Variants in TNFRSF1B observed in about 807,000 individuals in gnomAD.
TNFRSF1B encodes the protein tumor necrosis factor receptor superfamily member 1B.
TNFRSF1B carries 19 observed loss-of-function variants against 44.6 expected under a neutral mutation model. That is an observed-to-expected ratio of 0.43 (90% CI 0.30 to 0.62). The LOEUF (loss-of-function observed/expected upper bound fraction) is 0.62, where lower values mean the gene tolerates loss of function less well. TNFRSF1B is among the 20% of genes least tolerant of loss of function. The pLI, the probability that TNFRSF1B is intolerant of heterozygous loss-of-function variation, is 0.16. For synonymous variants in TNFRSF1B, 252 were observed against 261.1 expected, an observed-to-expected ratio of 0.97 and a Z score of 0.34; for missense variants, 541 against 619.9, an observed-to-expected ratio of 0.87 and a Z score of 1.35.
At chr1:12,167,784 G>A (rs5745954) in intron 1 of TNFRSF1B, among the ~76,000 whole-genome samples, 1 of 152,128 alleles carries the variant, frequency 6.6e-6, no homozygotes, top group Non-Finnish European at 1.5e-5. Flanking sequence ...CTACTGCAGA[G>A]TCTGTTTTCT....
rs755283546 is a variant in TNFRSF1B at position 12,167,456 on chromosome 1, C to T, written c.78+287C>T. The T allele has an allele frequency of 3.9e-5, 17 of 433,052 alleles. No individual in the cohort carries two copies. In the South Asian group the frequency reaches 4.0e-4, roughly 10 times the overall value. The allele number at this position is 433,052 out of a possible 1,614,324, so 26.8% of individuals were successfully genotyped here. A position where few individuals can be genotyped will look rare whatever the true frequency, so the allele number is the denominator to read the frequency against. On this transcript the variant is annotated intron_variant, in intron 1 of 9. Transcript: ENST00000376259. ...CCCTGGTTCCTCCGCGAGCGCAGGC[C>T]GGGGCATTTGGGGCTGAGCAGCGGG...
intron 1 of TNFRSF1B, among the ~76,000 whole-genome samples, chr1:12,183,545 A>T (rs1230888203): frequency 1.3e-5 from 2 of 149,658 alleles, no homozygotes; most frequent in East Asian, 3.9e-4. Flanking sequence ...ACTTTCTATT[A>T]TCTCTATCAT....
intron 1 of TNFRSF1B, among the ~76,000 whole-genome samples, chr1:12,185,185 C>T (rs891055032): frequency 2.0e-4 from 30 of 152,148 alleles, no homozygotes; most frequent in African/African-American, 6.3e-4. Context: ...CTTTGGATGC[C>T]GGGTCTCGGC....
chr1:12,175,941 A>G (rs1365491298), intron 1 of TNFRSF1B, among the ~76,000 whole-genome samples: 3 of 152,044 alleles, frequency 2.0e-5, no homozygotes, highest in Admixed American at 6.6e-5. Flanking sequence ...CAGGCCGGGC[A>G]CGGTGGCTCA....
rs1253672385 is a variant in TNFRSF1B, at chr1:12,186,406, G to A, written c.79-2390G>A. On this transcript the variant is annotated intron_variant, in intron 1 of 9. Coordinates refer to ENST00000376259, the MANE Select transcript of TNFRSF1B (RefSeq NM_001066.3). The surrounding 1 kb of genome is among the most constrained non-coding windows in gnomAD (Gnocchi z 4.8). The stretch of plus-strand genomic sequence containing the variant: ...TTGGCCAGGTCTGCACTGGCCCAGC[G>A]GTGCTGGGTGTCGTGACTGGTGTCT... Among the ~76,000 whole-genome samples the A allele has an allele frequency of 1.3e-5, 2 of 152,246 alleles. No homozygotes were observed. The highest frequency in any genetic ancestry group is 6.5e-5 in the Admixed American group (1 of 15,290).
chr1:12,206,359 CAAAA>C (rs35664314), intron 9 of TNFRSF1B, among the ~76,000 whole-genome samples: 8 of 80,590 alleles, frequency 9.9e-5, no homozygotes, highest in East Asian at 4.2e-4. Flanking sequence ...GACCCTGTCT[CAAAA>C]AAAAAAAAAA....
At chr1:12,182,430 C>A (rs1351837197) in intron 1 of TNFRSF1B, among the ~76,000 whole-genome samples, 1 of 152,250 alleles carries the variant, frequency 6.6e-6, no homozygotes, top group African/African-American at 2.4e-5. Context: ...GCTCTTACCA[C>A]CACCTTGAAT....
intron 9 of TNFRSF1B, among the ~76,000 whole-genome samples, chr1:12,203,753 C>T (rs1013396539): frequency 1.1e-4 from 17 of 152,054 alleles, no homozygotes; most frequent in Admixed American, 2.0e-4. Context: ...GGGTCTCGCT[C>T]GTCGCCTAGG....
Position 12,187,198 on chromosome 1 carries a change from G to T in TNFRSF1B, c.79-1598G>T, listed in dbSNP as rs1284508075. Among the ~76,000 whole-genome samples, 1 of 150,984 alleles carries T rather than the reference G, an allele frequency of 6.6e-6. No homozygotes were observed. Among genetic ancestry groups the T allele is most frequent in the Non-Finnish European group, 1.5e-5 (1 of 67,780 alleles). ...GATGGAGTTTTGCTCTGTCAATTAG[G>T]CTGGAAGTGCAGTGGCATGATCTCA... On this transcript the variant is annotated intron_variant, in intron 1 of 9. Coordinates refer to ENST00000376259, the MANE Select transcript of TNFRSF1B (RefSeq NM_001066.3). This position sits in a 1 kb window ranked among gnomAD's most constrained non-coding sequence, Gnocchi z 5.5.
chr1:12,196,456 C>A (rs1011795277), intron 8 of TNFRSF1B, among the ~76,000 whole-genome samples: 1 of 152,192 alleles, frequency 6.6e-6, no homozygotes, highest in African/African-American at 2.4e-5. Flanking sequence ...CAGACATCAC[C>A]AAGTGTCCCC....
chr1:12,194,477 G>A, intron 7 of TNFRSF1B, 107 bp from the exon 8 acceptor site: 1 of 1,217,472 alleles, frequency 8.2e-7, no homozygotes, highest in Non-Finnish European at 1.2e-6. Context: ...GGTCCCCACA[G>A]GGCTGGGCCT....
At chr1:12,181,038 C>T (rs1638791489) in intron 1 of TNFRSF1B, among the ~76,000 whole-genome samples, 2 of 152,212 alleles carry the variant, frequency 1.3e-5, no homozygotes, top group East Asian at 3.9e-4. Flanking sequence ...CACACTGTCA[C>T]AGCAGCGGGC....
rs1570150686 is a variant in TNFRSF1B at position 12,188,734 on chromosome 1, A to T, written c.79-62A>T. 3 of 1,491,798 alleles carry T rather than the reference A, an allele frequency of 2.0e-6. No individual in the cohort carries two copies. In the East Asian group the frequency reaches 6.8e-5, roughly 34 times the overall value. 92.4% of individuals were successfully genotyped at this position (1,491,798 alleles called of 1,614,324 possible). On this transcript the variant is annotated intron_variant, in intron 1 of 9. Coordinates refer to ENST00000376259, the MANE Select transcript of TNFRSF1B (RefSeq NM_001066.3). ...ACATTTGCAGGGCGGGGACCTGGGC[A>T]TCAGGCATGGCAGAACCCAGGGGCG... is the stretch of plus-strand genomic sequence containing the variant.
chr1:12,187,949 G>T lies in TNFRSF1B; in HGVS notation c.79-847G>T, dbSNP rs951641213. 3.3e-5 allele frequency among the ~76,000 whole-genome samples: 5 copies of T among 152,162 alleles called. No homozygotes were observed. Among genetic ancestry groups the T allele is most frequent in the Admixed American group, 3.3e-4 (5 of 15,278 alleles). ...CAGCCAACACCCACAGCAGCTGGGG[G>T]AGCGGTGCCCTGCTGGCAGCAGGGG... On this transcript the variant is annotated intron_variant, in intron 1 of 9. Transcript: ENST00000376259. This position sits in a 1 kb window ranked among gnomAD's most constrained non-coding sequence, Gnocchi z 5.5.
At chr1:12,175,260 G>T (rs180984255) in intron 1 of TNFRSF1B, among the ~76,000 whole-genome samples, 1 of 152,226 alleles carries the variant, frequency 6.6e-6, no homozygotes, top group Non-Finnish European at 1.5e-5. Context: ...GCTTCCGGGA[G>T]AACTTGGCCA....
chr1:12,183,861 A>G (rs1248325322), intron 1 of TNFRSF1B, among the ~76,000 whole-genome samples: 1 of 151,548 alleles, frequency 6.6e-6, no homozygotes, highest in Non-Finnish European at 1.5e-5. Context: ...CTACCTACCT[A>G]CCTACCTACA....
intron 1 of TNFRSF1B, among the ~76,000 whole-genome samples, chr1:12,184,640 G>A (rs1203108913): frequency 6.6e-6 from 1 of 152,222 alleles, no homozygotes; most frequent in Non-Finnish European, 1.5e-5. Flanking sequence ...TAGTGGCCAG[G>A]AGCCCTCGTC....
chr1:12,192,817 C>G (rs766601906), intron 5 of TNFRSF1B, 46 bp from the exon 6 acceptor site: 1 of 1,531,712 alleles, frequency 6.5e-7, no homozygotes, highest in Non-Finnish European at 8.9e-7. Flanking sequence ...CCACCCCAGC[C>G]ACTCTGTCCC....
intron 1 of TNFRSF1B, among the ~76,000 whole-genome samples, chr1:12,181,490 C>T (rs944046387): frequency 2.0e-5 from 3 of 152,108 alleles, no homozygotes; most frequent in African/African-American, 4.8e-5. Context: ...GTGACAATGC[C>T]GAGGCTCAGA....
Sources: gnomAD v4.1 joint callset for allele counts (sites outside exome capture counted in the v4.1 genomes callset) on GRCh38, gnomAD v4.1.1 for gene constraint, Gnocchi (gnomAD v3.1) non-coding constraint, MANE v1.5 for transcripts, NCBI Gene and HGNC (gene_info 2026-07-23, HGNC 2026-07-21) for gene names.